Variants in PGAP1 observed in about 807,000 individuals in gnomAD.
PGAP1 encodes GPI inositol-deacylase.
In PGAP1, 76 loss-of-function variants were observed where a neutral mutation model predicts 127.0. The observed-to-expected ratio is 0.60, with a 90% CI of 0.50 to 0.72. The LOEUF is 0.72. Ranked by LOEUF, PGAP1 falls within the 30% of genes least tolerant of loss-of-function variation. The pLI is 0.00. For missense variants in PGAP1, 982 were observed against 1,071.3 expected, an observed-to-expected ratio of 0.92 and a Z score of 1.16; for synonymous variants, 362 against 366.5, an observed-to-expected ratio of 0.99 and a Z score of 0.14.
chr2:196,863,351 G>T lies in PGAP1; in HGVS notation c.1861+1636C>A, dbSNP rs534978136. On this transcript the variant is annotated intron_variant, in intron 20 of 26. Coordinates refer to ENST00000354764, the MANE Select transcript of PGAP1 (RefSeq NM_024989.4). ...GTCCATCAACAAGTGAATGGATAAA[G>T]AAAATGGTAATATATACATAATGGA... Among the ~76,000 whole-genome samples, 54 of 152,216 alleles carry T rather than the reference G, an allele frequency of 3.5e-4. No homozygotes were observed. In the South Asian group the frequency reaches 0.011, roughly 30 times the overall value.
chr2:196,843,040 A>T (rs907597683), intron 25 of PGAP1, among the ~76,000 whole-genome samples: 1 of 152,154 alleles, frequency 6.6e-6, no homozygotes, highest in Admixed American at 6.5e-5. Flanking sequence ...AGAAACTACT[A>T]AAGGAAATGA....
chr2:196,856,406 A>T (rs1700884903), intron 20 of PGAP1, among the ~76,000 whole-genome samples: 1 of 152,220 alleles, frequency 6.6e-6, no homozygotes, highest in Non-Finnish European at 1.5e-5. Flanking sequence ...TACACCTGTT[A>T]TTAGAATGTA....
At chr2:196,901,900 C>T (rs1435030178) in intron 5 of PGAP1, among the ~76,000 whole-genome samples, 1 of 152,100 alleles carries the variant, frequency 6.6e-6, no homozygotes, top group Non-Finnish European at 1.5e-5. Flanking sequence ...GGATTCCAGT[C>T]CACACATTCT....
intron 17 of PGAP1, 151 bp from the exon 18 acceptor site, chr2:196,872,700 C>A (rs139296581): frequency 9.4e-5 from 59 of 626,276 alleles, no homozygotes; most frequent in African/African-American, 8.5e-4. Context: ...TCAATGATAT[C>A]ACAATTGTTT....
intron 20 of PGAP1, among the ~76,000 whole-genome samples, chr2:196,853,774 C>T (rs1576099984): frequency 6.6e-6 from 1 of 152,218 alleles, no homozygotes; most frequent in East Asian, 1.9e-4. Context: ...TTTTTACATC[C>T]ATACAACTTT....
At chr2:196,921,076 T>C (rs1263912203) in intron 1 of PGAP1, among the ~76,000 whole-genome samples, 1 of 151,928 alleles carries the variant, frequency 6.6e-6, no homozygotes, top group Non-Finnish European at 1.5e-5. Context: ...TAGGTATACA[T>C]AGATCTAGCA....
intron 1 of PGAP1, chr2:196,922,655 C>A: frequency 1.0e-5 from 3 of 286,312 alleles, no homozygotes; most frequent in Non-Finnish European, 1.5e-5. Context: ...AAATCTGGCT[C>A]TAATTATTCT....
At chr2:196,915,433 G>T (rs1702976124) in intron 3 of PGAP1, among the ~76,000 whole-genome samples, 1 of 152,152 alleles carries the variant, frequency 6.6e-6, no homozygotes, top group Non-Finnish European at 1.5e-5. Flanking sequence ...AATGCCTAAT[G>T]TGCATCTCAA....
At chr2:196,905,383 T>C (rs1252741079) in intron 4 of PGAP1, among the ~76,000 whole-genome samples, 1 of 152,198 alleles carries the variant, frequency 6.6e-6, no homozygotes, top group Non-Finnish European at 1.5e-5. Context: ...TTAAAATGTT[T>C]CCTTATTAAA....
chr2:196,858,357 G>A (rs973442849), intron 20 of PGAP1, among the ~76,000 whole-genome samples: 6 of 150,934 alleles, frequency 4.0e-5, no homozygotes, highest in African/African-American at 9.8e-5. Context: ...AGCTGAGATC[G>A]TACCACCACA....
At chr2:196,905,734 G>C (rs1166081846) in intron 4 of PGAP1, among the ~76,000 whole-genome samples, 1 of 148,504 alleles carries the variant, frequency 6.7e-6, no homozygotes, top group Admixed American at 6.7e-5. Context: ...GCGCAGGCCA[G>C]TGTGTGCGCG....
At chr2:196,904,553 T>C (rs867382619) in intron 4 of PGAP1, among the ~76,000 whole-genome samples, 2 of 151,986 alleles carry the variant, frequency 1.3e-5, no homozygotes, top group Admixed American at 6.6e-5. Context: ...CTGGCCAACA[T>C]GGTGAAACAC....
At chr2:196,883,768 C>T (rs1203797839) in intron 12 of PGAP1, among the ~76,000 whole-genome samples, 1 of 152,104 alleles carries the variant, frequency 6.6e-6, no homozygotes, top group Non-Finnish European at 1.5e-5. Context: ...CTTTAGTCAT[C>T]CCTTCAATTT....
intron 20 of PGAP1, among the ~76,000 whole-genome samples, chr2:196,860,450 C>G (rs558505590): frequency 6.6e-6 from 1 of 152,118 alleles, no homozygotes; most frequent in Non-Finnish European, 1.5e-5. Context: ...AGAAGAATCA[C>G]TTCAACCTGG....
intron 23 of PGAP1, among the ~76,000 whole-genome samples, chr2:196,845,198 A>G (rs865904049): frequency 6.6e-6 from 1 of 151,946 alleles, no homozygotes; most frequent in Non-Finnish European, 1.5e-5. Context: ...GAAGCATATA[A>G]ATTTCCTTTG....
intron 10 of PGAP1, among the ~76,000 whole-genome samples, chr2:196,887,385 AAAAAC>A (rs953421092): frequency 1.4e-4 from 22 of 152,248 alleles, no homozygotes; most frequent in African/African-American, 4.8e-4. Flanking sequence ...CTCCATCTCA[AAAAAC>A]AAAACAAAAC....
At chr2:196,894,794 T>G (rs1367113191) in intron 7 of PGAP1, among the ~76,000 whole-genome samples, 2 of 152,084 alleles carry the variant, frequency 1.3e-5, no homozygotes, top group African/African-American at 4.8e-5. Flanking sequence ...AGAGCAAGAC[T>G]CCGTCTCAAA....
chr2:196,847,650 T>G (rs1435791468), intron 21 of PGAP1: 1 of 215,212 alleles, frequency 4.6e-6, no homozygotes, highest in Non-Finnish European at 9.1e-6. Flanking sequence ...TGTAATGATT[T>G]GCGTTTGAAT....
chr2:196,906,998 G>C (rs938314562), intron 4 of PGAP1, among the ~76,000 whole-genome samples: 1 of 144,060 alleles, frequency 6.9e-6, no homozygotes, highest in African/African-American at 2.7e-5. Flanking sequence ...AAGAGATGTG[G>C]AGAATGGAAC....
Sources: gnomAD v4.1 joint callset for allele counts (sites outside exome capture counted in the v4.1 genomes callset) on GRCh38, gnomAD v4.1.1 for gene constraint, MANE v1.5 for transcripts, NCBI Gene and HGNC (gene_info 2026-07-23, HGNC 2026-07-21) for gene names.